OSBPL10: variants seen among roughly 807,000 people sequenced by gnomAD.
The protein encoded by OSBPL10 is oxysterol-binding protein-related protein 10.
In OSBPL10, 49 loss-of-function variants were observed where a neutral mutation model predicts 81.7. The observed-to-expected ratio is 0.60, with a 90% CI of 0.48 to 0.76. The LOEUF (loss-of-function observed/expected upper bound fraction) is 0.76, where lower values mean the gene tolerates loss of function less well. Among genes scored for constraint, OSBPL10 ranks in the 30% least tolerant of loss-of-function variants. The probability of loss-of-function intolerance (pLI) is 0.00; values close to 1 mark genes in which losing one functional copy is unlikely to be tolerated. For synonymous variants in OSBPL10, 419 were observed against 383.6 expected (o/e 1.09, Z -1.08); for missense variants, 923 against 987.8 (o/e 0.93, Z 0.88).
intron 2 of OSBPL10, among the ~76,000 whole-genome samples, chr3:32,028,926 G>GCACACACA (rs201594298): frequency 1.5e-5 from 1 of 67,210 alleles, no homozygotes; most frequent in African/African-American, 5.9e-5. Context: ...TAGCTAGTCA[G>GCACACACA]GACACACACA....
At chr3:31,671,211 A>G (rs1215217894) in intron 8 of OSBPL10, among the ~76,000 whole-genome samples, 3 of 152,228 alleles carry the variant, frequency 2.0e-5, no homozygotes, top group African/African-American at 7.2e-5. Context: ...AGCAGAAGAG[A>G]AAGGTGGTCA....
intron 1 of OSBPL10, among the ~76,000 whole-genome samples, chr3:31,932,280 C>A (rs536474611): frequency 5.9e-5 from 9 of 152,160 alleles, no homozygotes; most frequent in Admixed American, 2.0e-4. Flanking sequence ...CTCCTCACCT[C>A]CACCCGCATC....
At chr3:31,679,066 C>G (rs1316981687) in intron 8 of OSBPL10, among the ~76,000 whole-genome samples, 1 of 152,090 alleles carries the variant, frequency 6.6e-6, no homozygotes, top group Non-Finnish European at 1.5e-5. Flanking sequence ...CTCTTCCCAG[C>G]CACGCACTCA....
chr3:31,751,484 G>A (rs1408773158), intron 4 of OSBPL10, among the ~76,000 whole-genome samples: 1 of 152,228 alleles, frequency 6.6e-6, no homozygotes, highest in Non-Finnish European at 1.5e-5. Flanking sequence ...AGGCAGTGGG[G>A]TTTGGCAGTT....
rs555766871 is a variant in OSBPL10, at chr3:31,838,865, A to G, written c.538-8634T>C. On this transcript the variant is annotated intron_variant, in intron 3 of 11. Transcript: ENST00000396556. ...GGTTTTTAATTAACTATTCCTAATA[A>G]CAGGAGTAATGTTTGATGGGCAGTA... is the stretch of plus-strand genomic sequence containing the variant. Among the ~76,000 whole-genome samples, 9 of 152,356 alleles carry G rather than the reference A, an allele frequency of 5.9e-5. No individual in the cohort carries two copies. The East Asian group carries it at 1.7e-3, about 29-fold the overall frequency.
chr3:31,979,091 C>G (rs1698760173), intron 1 of OSBPL10, among the ~76,000 whole-genome samples: 1 of 151,472 alleles, frequency 6.6e-6, no homozygotes, highest in African/African-American at 2.5e-5. Flanking sequence ...CAACAAAATG[C>G]TGTTACTGAC....
intron 7 of OSBPL10, among the ~76,000 whole-genome samples, chr3:31,687,750 G>C (rs886770110): frequency 6.6e-6 from 1 of 152,080 alleles, no homozygotes; most frequent in African/African-American, 2.4e-5. Flanking sequence ...TAGGATGTCT[G>C]GGCCACCCCA....
At chr3:31,702,962 C>T (rs919310643) in intron 6 of OSBPL10, among the ~76,000 whole-genome samples, 3 of 152,112 alleles carry the variant, frequency 2.0e-5, no homozygotes, top group Non-Finnish European at 2.9e-5. Context: ...TATGGAAAAA[C>T]GTGCTCTAAG....
At chr3:31,670,386 G>A (rs1420276804) in intron 9 of OSBPL10, among the ~76,000 whole-genome samples, 1 of 152,204 alleles carries the variant, frequency 6.6e-6, no homozygotes, top group Non-Finnish European at 1.5e-5. Context: ...AGAAGGAAAT[G>A]ATCTTGACCT....
At chr3:31,740,589 A>T (rs1344796518) in intron 5 of OSBPL10, among the ~76,000 whole-genome samples, 1 of 151,936 alleles carries the variant, frequency 6.6e-6, no homozygotes, top group Non-Finnish European at 1.5e-5. Context: ...TTTGAGGACT[A>T]CCAAAAAAAA....
At chr3:31,662,504 G>A in intron 11 of OSBPL10, 2 of 1,014,446 alleles carry the variant, frequency 2.0e-6, no homozygotes, top group Non-Finnish European at 2.4e-6. Flanking sequence ...CAGCCCACAG[G>A]GGAACACCCA....
intron 8 of OSBPL10, among the ~76,000 whole-genome samples, chr3:31,679,834 A>C (rs944307766): frequency 5.9e-5 from 9 of 152,226 alleles, no homozygotes; most frequent in Non-Finnish European, 2.9e-5. Flanking sequence ...AGTCAAAATC[A>C]AGATTAATGT....
intron 1 of OSBPL10, among the ~76,000 whole-genome samples, chr3:31,887,621 G>A (rs1192293289): frequency 6.6e-6 from 1 of 152,132 alleles, no homozygotes; most frequent in Non-Finnish European, 1.5e-5. Context: ...TAGTAGTCTT[G>A]TCATCTTAGA....
intron 4 of OSBPL10, 48 bp from the exon 5 acceptor site, chr3:31,748,168 G>A (rs199851823): frequency 9.8e-6 from 15 of 1,527,924 alleles, no homozygotes; most frequent in African/African-American, 5.5e-5. Flanking sequence ...AAGTTCTTTC[G>A]ACAGGCTGGG....
At chr3:31,748,153 G>A (rs780062535) in intron 4 of OSBPL10, 33 bp from the exon 5 acceptor site, 48 of 1,574,640 alleles carry the variant, frequency 3.0e-5, no homozygotes, top group South Asian at 2.5e-4. Context: ...GGAGGTGAGG[G>A]GCGGAAGTTC....
intron 2 of OSBPL10, among the ~76,000 whole-genome samples, chr3:32,035,420 G>C (rs1241101748): frequency 6.6e-6 from 1 of 151,918 alleles, no homozygotes; most frequent in Non-Finnish European, 1.5e-5. Flanking sequence ...AAATTAGCTG[G>C]ACATGGTGGT....
At chr3:31,905,345 A>ATTTGTTTTTTTTTTTTT (rs1696374007) in intron 1 of OSBPL10, among the ~76,000 whole-genome samples, 1 of 94,860 alleles carries the variant, frequency 1.1e-5, no homozygotes, top group African/African-American at 4.7e-5. Context: ...GAACCTGGTG[A>ATTTGTTTTTTTTTTTTT]TTTTTTTTTT....
At chr3:31,950,460 A>G (rs921429354) in intron 1 of OSBPL10, among the ~76,000 whole-genome samples, 1 of 152,244 alleles carries the variant, frequency 6.6e-6, no homozygotes, top group Non-Finnish European at 1.5e-5. Flanking sequence ...TACTATATCA[A>G]AAACTAGAAA....
At chr3:31,913,239 TA>T (rs147356857) in intron 1 of OSBPL10, among the ~76,000 whole-genome samples, 28,035 of 150,974 alleles carry the variant, frequency 0.19, 2,752 homozygotes, top group East Asian at 0.31. Context: ...TTTTTTTTTT[TA>T]TTTTGTTTTT....
Sources: gnomAD v4.1 joint callset for allele counts (sites outside exome capture counted in the v4.1 genomes callset) on GRCh38, gnomAD v4.1.1 for gene constraint, MANE v1.5 for transcripts, NCBI Gene and HGNC (gene_info 2026-07-23, HGNC 2026-07-21) for gene names.